NEGR1: variants seen among roughly 807,000 people sequenced by gnomAD.
NEGR1 encodes neuronal growth regulator 1.
A neutral mutation model predicts 40.9 loss-of-function variants in NEGR1; 10 were observed. The observed-to-expected ratio is 0.24, with a 90% CI of 0.15 to 0.42. NEGR1 has a LOEUF of 0.42. NEGR1 is among the 10% of genes least tolerant of loss of function. The pLI is 1.00. For missense variants in NEGR1, 352 were observed against 438.9 expected (o/e 0.80, Z 1.77); for synonymous variants, 185 against 166.8 (o/e 1.11, Z -0.84).
intron 6 of NEGR1, among the ~76,000 whole-genome samples, chr1:71,420,235 G>A (rs1646385674): frequency 6.6e-6 from 1 of 152,010 alleles, no homozygotes; most frequent in Non-Finnish European, 1.5e-5. Flanking sequence ...ATTAAGAGAT[G>A]CCTCCACTTT....
chr1:71,778,313 A>G (rs937500850), intron 2 of NEGR1, among the ~76,000 whole-genome samples: 2 of 152,096 alleles, frequency 1.3e-5, no homozygotes, highest in African/African-American at 4.8e-5. Context: ...GAGTACCCAT[A>G]CAACAATTAT....
chr1:72,092,053 C>G lies in NEGR1; in HGVS notation c.177-156742G>C, dbSNP rs986017986. On this transcript the variant is annotated intron_variant, in intron 1 of 6. Transcript: ENST00000357731. The stretch of plus-strand genomic sequence containing the variant: ...ATTCAACATATGAATTTTGGGAAGA[C>G]ACAAACATTCAGTCTATAACACTGA... Among the ~76,000 whole-genome samples, 10 of 152,006 alleles carry G rather than the reference C, an allele frequency of 6.6e-5. No homozygotes were observed. The East Asian group carries it at 1.9e-3, about 30-fold the overall frequency.
intron 2 of NEGR1, among the ~76,000 whole-genome samples, chr1:71,861,901 C>A (rs1210243203): frequency 6.6e-6 from 1 of 151,916 alleles, no homozygotes; most frequent in Non-Finnish European, 1.5e-5. Context: ...TGAGGTGGCC[C>A]CTGCCAGGAG....
At chr1:72,078,353 C>A (rs1647839426) in intron 1 of NEGR1, among the ~76,000 whole-genome samples, 1 of 152,050 alleles carries the variant, frequency 6.6e-6, no homozygotes, top group Admixed American at 6.6e-5. Flanking sequence ...TGTCTTTCAA[C>A]CTTTTACCTT....
chr1:72,040,010 C>A (rs138382023), intron 1 of NEGR1, among the ~76,000 whole-genome samples: 1 of 151,892 alleles, frequency 6.6e-6, no homozygotes, highest in South Asian at 2.1e-4. Flanking sequence ...ATAAAAAATA[C>A]GTGTCTAATG....
chr1:71,787,892 C>T (rs1053319858), intron 2 of NEGR1, among the ~76,000 whole-genome samples: 5 of 152,116 alleles, frequency 3.3e-5, no homozygotes, highest in Admixed American at 6.6e-5. Context: ...TTTCACATTA[C>T]GTTGTTTGTT....
chr1:71,748,822 G>C (rs1291806700), intron 3 of NEGR1, among the ~76,000 whole-genome samples: 1 of 152,094 alleles, frequency 6.6e-6, no homozygotes, highest in Non-Finnish European at 1.5e-5. Context: ...TGCATAGAAG[G>C]ACTGTGGTCT....
chr1:71,715,677 A>G (rs953840874), intron 3 of NEGR1, among the ~76,000 whole-genome samples: 13 of 152,218 alleles, frequency 8.5e-5, no homozygotes, highest in African/African-American at 3.1e-4. Flanking sequence ...AAATGTCACC[A>G]GTCTCTCAGC....
chr1:71,854,536 C>T (rs759236819), intron 2 of NEGR1, among the ~76,000 whole-genome samples: 10 of 151,934 alleles, frequency 6.6e-5, no homozygotes, highest in South Asian at 2.1e-4. Context: ...TAATTATAAT[C>T]GTATTAGTCC....
chr1:71,463,071 G>C (rs990764492), intron 6 of NEGR1, among the ~76,000 whole-genome samples: 3 of 152,090 alleles, frequency 2.0e-5, no homozygotes, highest in African/African-American at 7.2e-5. Flanking sequence ...CTAGGCACTG[G>C]GGTAGTTTGG....
chr1:72,098,660 G>A (rs1368737953), intron 1 of NEGR1, among the ~76,000 whole-genome samples: 3 of 152,018 alleles, frequency 2.0e-5, no homozygotes, highest in Non-Finnish European at 4.4e-5. Flanking sequence ...TTCCTATTTT[G>A]AGTATCTACA....
chr1:71,458,545 T>A (rs1198755252), intron 6 of NEGR1, among the ~76,000 whole-genome samples: 1 of 152,236 alleles, frequency 6.6e-6, no homozygotes, highest in East Asian at 1.9e-4. Context: ...TTAGATTGTC[T>A]CTTTGCTGGT....
At chr1:71,597,478 G>GTGTGTGTGTGTA (rs1649762441) in intron 5 of NEGR1, among the ~76,000 whole-genome samples, 1 of 109,348 alleles carries the variant, frequency 9.1e-6, no homozygotes, top group Admixed American at 9.2e-5. Flanking sequence ...CTCTCTGTGT[G>GTGTGTGTGTGTA]TGTGTGTGTG....
Position 71,403,840 on chromosome 1 carries a change from T to G in NEGR1, c.*3606A>C. The G allele has an allele frequency of 2.6e-6, 1 of 382,172 alleles. No homozygotes were observed. The highest frequency in any genetic ancestry group is 4.7e-6 in the Non-Finnish European group (1 of 214,212). The allele number at this position is 382,172 out of a possible 1,614,324, so 23.7% of individuals were successfully genotyped here. ...TTTTACTAAAAGACAGGAAGAGCTT[T>G]TTCCAGTCTTTAAAGTAAATACATA... On this transcript the variant is annotated 3_prime_UTR_variant, in exon 7 of 7. Coordinates refer to ENST00000357731, the MANE Select transcript of NEGR1 (RefSeq NM_173808.3).
chr1:72,012,664 T>A (rs56876687), intron 1 of NEGR1, among the ~76,000 whole-genome samples: 16,060 of 151,952 alleles, frequency 0.11, 943 homozygotes, highest in Middle Eastern at 0.18. Flanking sequence ...ACCCTCTTTT[T>A]TTTCTTCAAA....
At chr1:71,944,971 G>A (rs1646003529) in intron 1 of NEGR1, among the ~76,000 whole-genome samples, 1 of 151,768 alleles carries the variant, frequency 6.6e-6, no homozygotes, top group Non-Finnish European at 1.5e-5. Flanking sequence ...GTATACCCAA[G>A]AAGAAAAAAA....
At chr1:71,487,357 T>C (rs1264987886) in intron 6 of NEGR1, among the ~76,000 whole-genome samples, 1 of 151,732 alleles carries the variant, frequency 6.6e-6, no homozygotes, top group Non-Finnish European at 1.5e-5. Flanking sequence ...TTTAGTATAA[T>C]ATCTGTAATC....
chr1:71,958,662 C>T (rs141256870), intron 1 of NEGR1, among the ~76,000 whole-genome samples: 619 of 152,162 alleles, frequency 4.1e-3, no homozygotes, highest in African/African-American at 0.014. Flanking sequence ...TGTTTTAAGA[C>T]CAAACTTTTC....
chr1:71,858,209 C>T (rs986810125), intron 2 of NEGR1, among the ~76,000 whole-genome samples: 8 of 152,058 alleles, frequency 5.3e-5, no homozygotes, highest in African/African-American at 1.9e-4. Context: ...CATCCTTCTC[C>T]TACACTTATC....
Sources: allele counts gnomAD v4.1 joint callset (sites outside exome capture counted in the v4.1 genomes callset), GRCh38; gene constraint gnomAD v4.1.1; transcripts MANE v1.5; gene names NCBI Gene and HGNC (gene_info 2026-07-23, HGNC 2026-07-21).